The following PDZK1 variants were observed in gnomAD, a reference collection of about 807,000 sequenced individuals.
PDZK1 encodes PDZ domain containing 1, also known as Na(+)/H(+) exchange regulatory cofactor NHE-RF3.
In PDZK1, 23 loss-of-function variants were observed where a neutral mutation model predicts 38.1. That is an observed-to-expected ratio of 0.60 (90% CI 0.43 to 0.85). The LOEUF is 0.85. PDZK1 is among the 40% of genes least tolerant of loss of function. The probability of loss-of-function intolerance (pLI) is 0.00; values close to 1 mark genes in which losing one functional copy is unlikely to be tolerated. For missense variants in PDZK1, 297 were observed against 504.3 expected (o/e 0.59, Z 3.94); for synonymous variants, 98 against 186.2 (o/e 0.53, Z 3.86).
At chr1:145,674,969 A>T (rs1653505298) in intron 6 of PDZK1, among the ~76,000 whole-genome samples, 1 of 152,180 alleles carries the variant, frequency 6.6e-6, no homozygotes, top group Non-Finnish European at 1.5e-5. Flanking sequence ...ATGGTCACAT[A>T]TTGTAACAAA....
intron 1 of PDZK1, among the ~76,000 whole-genome samples, chr1:145,704,703 G>A (rs1553705460): frequency 6.6e-6 from 1 of 152,152 alleles, no homozygotes; most frequent in African/African-American, 2.4e-5. Context: ...CCTCATGAAG[G>A]ACCAAAGAAA....
intron 1 of PDZK1, among the ~76,000 whole-genome samples, chr1:145,701,176 A>G (rs587765491): frequency 3.4e-4 from 51 of 151,632 alleles, no homozygotes; most frequent in African/African-American, 1.1e-3. Flanking sequence ...CTGCACTCCA[A>G]CCTGGGCAAC....
Position 145,686,106 on chromosome 1 carries a change from T to C in PDZK1, c.460+371A>G, listed in dbSNP as rs147931923. ...AAAATAGCTATTATGAAGAATCTCA[T>C]TTTTCTTGCCTTTTATTCCTTATTC... On this transcript the variant is annotated intron_variant, in intron 3 of 8. Transcript: ENST00000417171. Among the ~76,000 whole-genome samples the C allele has an allele frequency of 6.6e-3, 1,002 of 152,306 alleles. 13 individuals are homozygous for C. The highest frequency in any genetic ancestry group is 0.023 in the African/African-American group (958 of 41,564).
Position 145,680,665 on chromosome 1 carries a change from G to A in PDZK1, c.793+247C>T, listed in dbSNP as rs587641678. Reference sequence around the variant, plus strand: ...CCAATTTGGATTTCCCCCCACCCCCGCCCCAGAGAGCTAACTTACCAGGAT... The same window carrying A: ...CCAATTTGGATTTCCCCCCACCCCCACCCCAGAGAGCTAACTTACCAGGAT... On this transcript the variant is annotated intron_variant, in intron 5 of 8. Coordinates refer to ENST00000417171, the MANE Select transcript of PDZK1 (RefSeq NM_001201325.2). Among the ~76,000 whole-genome samples the A allele has an allele frequency of 1.9e-3, 82 of 42,252 alleles. 1 individual carries two copies. Among genetic ancestry groups the A allele is most frequent in the African/African-American group, 6.9e-3 (77 of 11,208 alleles). The allele number at this position is 42,252 out of a possible 152,430, so 27.7% of individuals were successfully genotyped here.
intron 1 of PDZK1, among the ~76,000 whole-genome samples, chr1:145,697,050 G>A (rs1319408055): frequency 1.3e-5 from 2 of 152,192 alleles, no homozygotes; most frequent in African/African-American, 4.8e-5. Context: ...AAAGGAGGCT[G>A]GATGCGGTGG....
At chr1:145,680,331 T>G (rs1421557041) in intron 5 of PDZK1, among the ~76,000 whole-genome samples, 2 of 152,254 alleles carry the variant, frequency 1.3e-5, no homozygotes, top group Admixed American at 6.5e-5. Context: ...TAACAACTTA[T>G]GGGCGAATAG....
Position 145,686,632 on chromosome 1 carries a change from A to G in PDZK1, c.305T>C (p.Leu102Ser). The G allele has an allele frequency of 6.2e-7, 1 of 1,601,488 alleles. No homozygotes were observed. Among genetic ancestry groups the G allele is most frequent in the Non-Finnish European group, 8.5e-7 (1 of 1,172,760 alleles). The change falls in exon 3 of 9, where the codon TTG (leucine) becomes TCG (serine). Residue 102 changes from leucine to serine, a missense_variant. By Grantham distance (145) the Leu-to-Ser change is moderately radical (BLOSUM62 -2). Around this residue, in one of 5 missense-constraint regions of PDZK1, gnomAD observed 159 missense variants for 200.0 expected, o/e 0.79. Coordinates refer to ENST00000417171, the MANE Select transcript of PDZK1 (RefSeq NM_001201325.2). ...YEKAVKTRVD[L>S]KELGQSQKEQ... ...CTTCTGACTTTGACCCAACTCTTTC[A>G]AGTCCACCCGTGTTTTCACTGCTTT... is the stretch of plus-strand genomic sequence containing the variant.
chr1:145,695,150 C>A (rs587673012), intron 1 of PDZK1, among the ~76,000 whole-genome samples: 4 of 152,102 alleles, frequency 2.6e-5, no homozygotes, highest in East Asian at 1.9e-4. Context: ...TGCGGTGGCT[C>A]ACACCTGTAA....
At chr1:145,688,888 G>A (rs1379533179) in intron 1 of PDZK1, among the ~76,000 whole-genome samples, 1 of 151,506 alleles carries the variant, frequency 6.6e-6, no homozygotes, top group African/African-American at 2.4e-5. Context: ...TAACCTGGGA[G>A]GTGGAGATTG....
chr1:145,698,467 C>T (rs1553704517), intron 1 of PDZK1, among the ~76,000 whole-genome samples: 1 of 151,928 alleles, frequency 6.6e-6, no homozygotes, highest in East Asian at 1.9e-4. Context: ...TACAAAGAGT[C>T]AATGAATTGA....
At chr1:145,675,870 TAGCC>T (rs1322762829) in intron 6 of PDZK1, among the ~76,000 whole-genome samples, 1 of 151,586 alleles carries the variant, frequency 6.6e-6, no homozygotes, top group African/African-American at 2.4e-5. Flanking sequence ...ATATAAAAAT[TAGCC>T]AGGTGTGGTA....
chr1:145,688,966 A>G (rs868955515), intron 1 of PDZK1, among the ~76,000 whole-genome samples: 57 of 152,258 alleles, frequency 3.7e-4, no homozygotes, highest in Middle Eastern at 3.4e-3. Context: ...CTCAAAAAAA[A>G]AGGACACCAG....
intron 3 of PDZK1, 63 bp from the exon 4 acceptor site, chr1:145,682,699 C>T (rs1483802292): frequency 2.6e-5 from 36 of 1,380,852 alleles, no homozygotes; most frequent in Non-Finnish European, 3.3e-5. Context: ...GGATGGTAAT[C>T]TGTGATGTTG....
intron 1 of PDZK1, among the ~76,000 whole-genome samples, chr1:145,690,909 G>C (rs587688362): frequency 6.6e-6 from 1 of 152,278 alleles, no homozygotes; most frequent in South Asian, 2.1e-4. Flanking sequence ...ACAGCCAGAT[G>C]GTAATCGCTC....
At chr1:145,701,374 T>A (rs1655951279) in intron 1 of PDZK1, among the ~76,000 whole-genome samples, 1 of 151,402 alleles carries the variant, frequency 6.6e-6, no homozygotes, top group Admixed American at 6.6e-5. Flanking sequence ...TCCGGCAACA[T>A]TAAACCTAGA....
In PDZK1 at chr1:145,671,349, G is replaced by A; in HGVS notation, c.*87C>T. On this transcript the variant is annotated 3_prime_UTR_variant, in exon 9 of 9. Coordinates refer to ENST00000417171, the MANE Select transcript of PDZK1 (RefSeq NM_001201325.2). ...TTTCTTCTAAAGAGACAGTAAACAGGTCACAACTCATTCCTTGAGAAAGGA... is the reference window on the plus strand; with the variant it reads ...TTTCTTCTAAAGAGACAGTAAACAGATCACAACTCATTCCTTGAGAAAGGA... The A allele has an allele frequency of 6.2e-7, 1 of 1,602,004 alleles. No individual in the cohort carries two copies. The highest frequency in any genetic ancestry group is 1.1e-5 in the South Asian group (1 of 90,292).
At position 145,672,833 on chromosome 1, in the gene PDZK1, A is replaced by C. The variant is rs782677301; in HGVS notation, c.1403T>G (p.Ile468Ser). Residue 468 changes from isoleucine (I) to serine (S), a missense_variant, in exon 8 of 9, where the codon ATC becomes AGC. By Grantham distance (142) the Ile-to-Ser change is moderately radical (BLOSUM62 -2). This residue lies in a region of PDZK1 where 54 missense variants were observed against 72.1 expected (regional missense o/e 0.75). Transcript: ENST00000417171. ...KAYDYFQAKK[I>S]PIVSSLADPL... ...ATCAGCCAGGGAGGAAACAATAGGG[A>C]TTTTCTTAGCTTGGAAATAATCATA... The C allele has an allele frequency of 1.9e-6, 3 of 1,611,202 alleles. No homozygotes were observed. The highest frequency in any genetic ancestry group is 2.5e-6 in the Non-Finnish European group (3 of 1,179,558).
Position 145,682,950 on chromosome 1 carries a change from C to T in PDZK1, c.461-314G>A, listed in dbSNP as rs587760663. ...ACACAGAGATCTACATGTTTTGTGG[C>T]TGTCCAAGACCATGCTTCTGTTCGT... is the stretch of plus-strand genomic sequence containing the variant. On this transcript the variant is annotated intron_variant, in intron 3 of 8. Coordinates refer to ENST00000417171, the MANE Select transcript of PDZK1 (RefSeq NM_001201325.2). Among the ~76,000 whole-genome samples the T allele has an allele frequency of 5.1e-4, 77 of 152,282 alleles. 1 individual carries two copies. Among genetic ancestry groups the T allele is most frequent in the African/African-American group, 1.7e-3 (71 of 41,562 alleles).
chr1:145,694,742 CA>C (rs782238046), intron 1 of PDZK1, among the ~76,000 whole-genome samples: 1 of 151,188 alleles, frequency 6.6e-6, no homozygotes, highest in African/African-American at 2.4e-5. Context: ...ACTAAAAATA[CA>C]AAAATTAGCC....
Sources: allele counts gnomAD v4.1 joint callset (sites outside exome capture counted in the v4.1 genomes callset), GRCh38; gene constraint gnomAD v4.1.1; regional missense constraint gnomAD v4.1.1; transcripts MANE v1.5; gene names NCBI Gene and HGNC (gene_info 2026-07-23, HGNC 2026-07-21).